The following CRYBG3 variants were observed in gnomAD, a reference collection of about 807,000 sequenced individuals.
The protein encoded by CRYBG3 is crystallin beta-gamma domain containing 3.
In CRYBG3, 127 loss-of-function variants were observed where a neutral mutation model predicts 244.2. The observed-to-expected ratio is 0.52, with a 90% CI of 0.45 to 0.60. The LOEUF is 0.60. CRYBG3 is among the 20% of genes least tolerant of loss of function. CRYBG3 has a pLI of 0.00. For missense variants in CRYBG3, 3,325 were observed against 3,442.5 expected (o/e 0.97, Z 0.85); for synonymous variants, 1,132 against 1,195.8 (o/e 0.95, Z 1.10).
In CRYBG3 at chr3:97,873,953, A is replaced by G; in HGVS notation, c.2759A>G (p.Asp920Gly). Residue 920 changes from aspartate (D) to glycine (G), a missense_variant, in exon 4 of 22, where the codon GAT becomes GGT. Asp to Gly is a moderately conservative substitution (Grantham distance 94, BLOSUM62 -1). Coordinates refer to ENST00000389622, the MANE Select transcript of CRYBG3 (RefSeq NM_153605.4). ...ELSPAASKYE[D>G]KPEPEVDALG... ...TCTCCTGCTGCCTCCAAATATGAAG[A>G]TAAGCCAGAACCAGAGGTAGATGCC... The G allele has an allele frequency of 6.5e-7, 1 of 1,535,496 alleles. No homozygotes were observed. Among genetic ancestry groups the G allele is most frequent in the Non-Finnish European group, 8.7e-7 (1 of 1,146,716 alleles).
At position 97,872,705 on chromosome 3, in the gene CRYBG3, CAG is replaced by C; in HGVS notation, c.1513_1514del (p.Glu505IlefsTer4). On this transcript the variant is annotated frameshift_variant, in exon 4 of 22. Coordinates refer to ENST00000389622, the MANE Select transcript of CRYBG3 (RefSeq NM_153605.4). LOFTEE classifies it high-confidence loss of function. ...CTTCAGAGACATGCTGTGACAGACA[CAG>C]AATTTGTAAATGAAGGAAAGAGATT... 6.5e-7 allele frequency: 1 copy of C among 1,535,886 alleles called. No homozygotes were observed. The highest frequency in any genetic ancestry group is 8.7e-7 in the Non-Finnish European group (1 of 1,146,786).
Position 97,873,665 on chromosome 3 carries a change from T to C in CRYBG3, c.2471T>C (p.Val824Ala). 6.5e-7 allele frequency: 1 copy of C among 1,535,688 alleles called. No homozygotes were observed. The highest frequency in any genetic ancestry group is 1.4e-5 in the African/African-American group (1 of 73,156). ...GCTGAAATTGATGGTCAGAACAATG[T>C]TCTTGTGGAGTCACATTCTGGAAGA... ...SKAEIDGQNN[V>A]LVESHSGRGK... The change falls in exon 4 of 22, where the codon GTT becomes GCT. Residue 824 changes from valine to alanine, a missense_variant. Val to Ala is a moderately conservative substitution (Grantham distance 64, BLOSUM62 0). Transcript: ENST00000389622.
At chr3:97,846,159 A>G (rs1252314652) in intron 2 of CRYBG3, among the ~76,000 whole-genome samples, 2 of 151,776 alleles carry the variant, frequency 1.3e-5, no homozygotes, top group Non-Finnish European at 2.9e-5. Context: ...ATTCTATTTA[A>G]CCAGTTGAAA....
In CRYBG3 at chr3:97,876,273, C is replaced by T; in HGVS notation, c.5079C>T (p.Ile1693=). 1 of 1,231,728 alleles carries T rather than the reference C, an allele frequency of 8.1e-7. No homozygotes were observed. The highest frequency in any genetic ancestry group is 4.2e-5 in the Admixed American group (1 of 23,682). 76.3% of individuals were successfully genotyped at this position (1,231,728 alleles called of 1,614,324 possible). Residue 1693 remains isoleucine, a synonymous_variant, in exon 4 of 22, where the codon ATC becomes ATT. Coordinates refer to ENST00000389622, the MANE Select transcript of CRYBG3 (RefSeq NM_153605.4). ...TAGCCTTGTCAGAAGTGGAAAATAT[C>T]CACCAAAAAGGTGGTGAAGGGATTA... ...GTIALSEVEN[I]HQKGGEGISE...
intron 17 of CRYBG3, among the ~76,000 whole-genome samples, chr3:97,919,993 C>T (rs924480378): frequency 6.6e-6 from 1 of 152,038 alleles, no homozygotes; most frequent in African/African-American, 2.4e-5. Context: ...TGGTCTCAAA[C>T]TCCTGGGCTC....
intron 7 of CRYBG3, among the ~76,000 whole-genome samples, chr3:97,882,950 G>A (rs1469990328): frequency 6.6e-6 from 1 of 152,100 alleles, no homozygotes; most frequent in African/African-American, 2.4e-5. Context: ...AGTGAGATAT[G>A]GTTCCTTACT....
chr3:97,913,122 C>T (rs2039890815), intron 16 of CRYBG3, among the ~76,000 whole-genome samples: 1 of 152,146 alleles, frequency 6.6e-6, no homozygotes, highest in South Asian at 2.1e-4. Context: ...CATCTTATTT[C>T]TAGTGTTTAC....
At position 97,873,701 on chromosome 3, in the gene CRYBG3, T is replaced by C; in HGVS notation, c.2507T>C (p.Ile836Thr). The change falls in exon 4 of 22, where the codon ATA (isoleucine) becomes ACA (threonine). Residue 836 changes from isoleucine (I) to threonine (T), a missense_variant. Around this residue, in one of 4 missense-constraint regions of CRYBG3, gnomAD observed 1,526 missense variants for 1,443.2 expected, o/e 1.06. Transcript: ENST00000389622. ...VESHSGRGKTISLSKVSLSKV... is the reference protein window; with the variant it reads ...VESHSGRGKTTSLSKVSLSKV... ...TCACATTCTGGAAGAGGAAAAACTA[T>C]ATCCTTGTCCAAGGTATCTCTTTCA... 1 of 1,535,926 alleles carries C rather than the reference T, an allele frequency of 6.5e-7. No individual in the cohort carries two copies. Among genetic ancestry groups the C allele is most frequent in the Middle Eastern group, 1.7e-4 (1 of 5,988 alleles).
chr3:97,852,343 A>G (rs1349534834), intron 2 of CRYBG3, among the ~76,000 whole-genome samples: 1 of 152,218 alleles, frequency 6.6e-6, no homozygotes, highest in Admixed American at 6.5e-5. Context: ...GAAGAGATTC[A>G]GTCTCACATT....
rs750697238 is a variant in CRYBG3 at position 97,886,655 on chromosome 3, C to T, written c.7177C>T (p.Leu2393Phe). 6.2e-7 allele frequency: 1 copy of T among 1,604,354 alleles called. No individual in the cohort carries two copies. The highest frequency in any genetic ancestry group is 8.5e-7 in the Non-Finnish European group (1 of 1,177,280). Residue 2393 changes from leucine to phenylalanine, a missense_variant, in exon 8 of 22, where the codon CTT becomes TTT. By Grantham distance (22) the Leu-to-Phe change is conservative. Coordinates refer to ENST00000389622, the MANE Select transcript of CRYBG3 (RefSeq NM_153605.4). ...LKDCSIPEIE[L>F]FPQSDPACCP... ...GGACTGCAGCATTCCAGAAATAGAG[C>T]TTTTCCCACAATCTGACCCAGCCTG...
chr3:97,823,847 C>T (rs2038542750), intron 1 of CRYBG3, among the ~76,000 whole-genome samples: 2 of 152,190 alleles, frequency 1.3e-5, no homozygotes, highest in South Asian at 4.1e-4. Flanking sequence ...TGAAATCCTG[C>T]TTGCCTCTCT....
chr3:97,878,481 CA>C (rs2039409406), intron 4 of CRYBG3, among the ~76,000 whole-genome samples: 1 of 152,248 alleles, frequency 6.6e-6, no homozygotes, highest in East Asian at 1.9e-4. Flanking sequence ...ATAAAAATAT[CA>C]GATTCTTTGG....
intron 17 of CRYBG3, among the ~76,000 whole-genome samples, chr3:97,921,337 AG>A (rs1213735138): frequency 1.3e-5 from 2 of 152,096 alleles, no homozygotes; most frequent in African/African-American, 4.8e-5. Flanking sequence ...AAAGCCATTG[AG>A]GGGATGATTT....
intron 10 of CRYBG3, among the ~76,000 whole-genome samples, chr3:97,891,816 C>T (rs1055277436): frequency 1.3e-5 from 2 of 152,120 alleles, no homozygotes; most frequent in Non-Finnish European, 2.9e-5. Flanking sequence ...GGAGCATTGC[C>T]GTGGTAGAGA....
chr3:97,896,172 T>G, intron 12 of CRYBG3, 87 bp downstream of exon 12: 1 of 1,258,544 alleles, frequency 7.9e-7, no homozygotes, highest in Non-Finnish European at 1.1e-6. Flanking sequence ...GAACATGAGA[T>G]TATAAAATAT....
At chr3:97,920,617 C>A (rs1575966602) in intron 17 of CRYBG3, among the ~76,000 whole-genome samples, 1 of 152,078 alleles carries the variant, frequency 6.6e-6, no homozygotes, top group South Asian at 2.1e-4. Context: ...GCAACCTCCG[C>A]CTCCCAAGTT....
chr3:97,925,856 A>T (rs1575970280), intron 17 of CRYBG3, among the ~76,000 whole-genome samples: 1 of 151,854 alleles, frequency 6.6e-6, no homozygotes. Context: ...ATTTTTTTTT[A>T]AATAAGGAGA....
chr3:97,940,520 T>TTTAAAACTTTTTGTATGTATC (rs1395378035), intron 19 of CRYBG3, among the ~76,000 whole-genome samples: 24 of 152,162 alleles, frequency 1.6e-4, no homozygotes, highest in Admixed American at 5.2e-4. Context: ...GGTTTAATAT[T>TTTAAAACTTTTTGTATGTATC]TTAAAACTTT....
intron 3 of CRYBG3, among the ~76,000 whole-genome samples, chr3:97,866,037 A>G (rs937423613): frequency 6.6e-6 from 1 of 152,230 alleles, no homozygotes; most frequent in Non-Finnish European, 1.5e-5. Context: ...AACAATATAA[A>G]CAAATCTTTC....
Sources: allele counts gnomAD v4.1 joint callset (sites outside exome capture counted in the v4.1 genomes callset), GRCh38; gene constraint gnomAD v4.1.1; regional missense constraint gnomAD v4.1.1; transcripts MANE v1.5; gene names NCBI Gene and HGNC (gene_info 2026-07-23, HGNC 2026-07-21).